TBXA2R: variants seen among roughly 807,000 people sequenced by gnomAD.
TBXA2R encodes the protein thromboxane A2 receptor.
Under a neutral mutation model 15.6 loss-of-function variants are expected in TBXA2R, and 15 were observed. That is an observed-to-expected ratio of 0.96 (90% confidence interval 0.64 to 1.48). The LOEUF (loss-of-function observed/expected upper bound fraction) is 1.48, where lower values mean the gene tolerates loss of function less well. Ranked by LOEUF, TBXA2R falls within the 40% of genes most tolerant of loss-of-function variation. TBXA2R has a pLI of 0.00. For synonymous variants in TBXA2R, 280 were observed against 241.2 expected, an observed-to-expected ratio of 1.16 and a Z score of -1.49; for missense variants, 506 against 491.4, an observed-to-expected ratio of 1.03 and a Z score of -0.28.
chr19:3,604,174 G>A (rs2032787610), intron 1 of TBXA2R, among the ~76,000 whole-genome samples: 1 of 152,204 alleles, frequency 6.6e-6, no homozygotes, highest in Non-Finnish European at 1.5e-5. Flanking sequence ...AAGAGGCTGA[G>A]GTCCTGCAAC....
chr19:3,599,822 G>A (rs1206157779), intron 2 of TBXA2R, 27 bp downstream of exon 2: 1 of 1,548,614 alleles, frequency 6.5e-7, no homozygotes, highest in Admixed American at 2.0e-5. Context: ...CAGGAGGGTA[G>A]CAGGACCCCG....
chr19:3,605,511 G>GTCC (rs2032813906), intron 1 of TBXA2R, among the ~76,000 whole-genome samples: 1 of 145,726 alleles, frequency 6.9e-6, no homozygotes, highest in Admixed American at 6.9e-5. Flanking sequence ...AGACACACAG[G>GTCC]CAGAAATGTG....
At position 3,600,600 on chromosome 19, in the gene TBXA2R, A is replaced by C; in HGVS notation, c.35T>G (p.Phe12Cys). The C allele has an allele frequency of 1.9e-6, 3 of 1,612,630 alleles. No homozygotes were observed. The highest frequency in any genetic ancestry group is 2.5e-6 in the Non-Finnish European group (3 of 1,179,712). The change falls in exon 2 of 3, where the codon TTC (phenylalanine) becomes TGC (cysteine). Residue 12 changes from phenylalanine (F) to cysteine (C), a missense_variant. Physicochemically the swap from Phe to Cys is radical, Grantham distance 205 (BLOSUM62 -2). Coordinates refer to ENST00000375190, the MANE Select transcript of TBXA2R (RefSeq NM_001060.6). ...CTCCAGGGTAATGTTTGTGGGCCGG[A>C]AACAGGGCCCCAGGGAACTGCCGTT... ...WPNGSSLGPC[F>C]RPTNITLEER...
intron 2 of TBXA2R, among the ~76,000 whole-genome samples, chr19:3,599,336 AT>A (rs1010143681): frequency 3.6e-4 from 13 of 35,730 alleles, no homozygotes; most frequent in Admixed American, 9.0e-4. Flanking sequence ...TTTATTTTTT[AT>A]TTTTTTTTTT....
At chr19:3,603,202 G>A (rs375941172) in intron 1 of TBXA2R, among the ~76,000 whole-genome samples, 6 of 152,242 alleles carry the variant, frequency 3.9e-5, no homozygotes, top group East Asian at 1.9e-4. Context: ...GGGTGACTGT[G>A]GCCCTCACTC....
In TBXA2R at chr19:3,595,414, G is replaced by T. The variant is rs1209951986; in HGVS notation, c.*274C>A. Reference sequence around the variant, plus strand: ...TAGCAATGCAAGACCCTCTTCCAATGTCTGCATGCCCTTCCTGGGGTTGGG... The same window carrying T: ...TAGCAATGCAAGACCCTCTTCCAATTTCTGCATGCCCTTCCTGGGGTTGGG... On this transcript the variant is annotated 3_prime_UTR_variant, in exon 3 of 3. Transcript: ENST00000375190. The T allele has an allele frequency of 2.1e-6, 3 of 1,395,862 alleles. No individual in the cohort carries two copies. In the African/African-American group the frequency reaches 4.3e-5, roughly 20 times the overall value. The allele number at this position is 1,395,862 out of a possible 1,614,324, so 86.5% of individuals were successfully genotyped here. A position where few individuals can be genotyped will look rare whatever the true frequency, so the allele number is the denominator to read the frequency against.
chr19:3,600,809 C>T (rs946338824), intron 1 of TBXA2R, 92 bp from the exon 2 acceptor site: 1 of 609,436 alleles, frequency 1.6e-6, no homozygotes. Flanking sequence ...AATGCCCCAG[C>T]TCAAATATCC....
At chr19:3,597,067 G>A (rs1230284036) in intron 2 of TBXA2R, among the ~76,000 whole-genome samples, 1 of 151,168 alleles carries the variant, frequency 6.6e-6, no homozygotes, top group Non-Finnish European at 1.5e-5. Context: ...AGCCTCCCGA[G>A]TAGCTGGGAT....
chr19:3,603,656 G>T (rs952085931), intron 1 of TBXA2R, among the ~76,000 whole-genome samples: 1 of 152,126 alleles, frequency 6.6e-6, no homozygotes, highest in Non-Finnish European at 1.5e-5. Context: ...CTCACCGGGG[G>T]TCACACACCC....
At position 3,594,870 on chromosome 19, in the gene TBXA2R, G is replaced by A. The variant is rs1362104877; in HGVS notation, c.*818C>T. On this transcript the variant is annotated 3_prime_UTR_variant, in exon 3 of 3. Transcript: ENST00000375190. ...TCTGGACAGAGCCTTCCCTGTTGGA[G>A]GTTCAAAAGGAAGCAACTGTACCCC... 6.5e-7 allele frequency: 1 copy of A among 1,536,950 alleles called. No individual in the cohort carries two copies. The highest frequency in any genetic ancestry group is 2.0e-5 in the Admixed American group (1 of 50,996).
intron 1 of TBXA2R, among the ~76,000 whole-genome samples, chr19:3,602,623 C>T (rs2032758722): frequency 6.6e-6 from 1 of 151,822 alleles, no homozygotes; most frequent in African/African-American, 2.4e-5. Context: ...ACCTGTAATC[C>T]CAGCTACTCG....
chr19:3,597,000 C>T (rs2032616330), intron 2 of TBXA2R, among the ~76,000 whole-genome samples: 1 of 147,010 alleles, frequency 6.8e-6, no homozygotes, highest in African/African-American at 2.5e-5. Flanking sequence ...AGTGAAATGG[C>T]AGGTTCTCGG....
chr19:3,606,867 C>T lies in TBXA2R; in HGVS notation c.-421G>A, dbSNP rs1358219961. ...GCAGCCCGCGGCTCGCTCTCTCCGTCCAGTCTCTGTCTCCCGCTGTCTCTC... is the reference window on the plus strand; with the variant it reads ...GCAGCCCGCGGCTCGCTCTCTCCGTTCAGTCTCTGTCTCCCGCTGTCTCTC... On this transcript the variant is annotated 5_prime_UTR_variant, in exon 1 of 3. Coordinates refer to ENST00000375190, the MANE Select transcript of TBXA2R (RefSeq NM_001060.6). 1 of 152,326 alleles carries T rather than the reference C, an allele frequency of 6.6e-6. No homozygotes were observed. The highest frequency in any genetic ancestry group is 6.5e-5 in the Admixed American group (1 of 15,288). The allele number at this position is 152,326 out of a possible 1,614,324, so 9.4% of individuals were successfully genotyped here.
chr19:3,594,937 G>A lies in TBXA2R; in HGVS notation c.*751C>T, dbSNP rs200789014. 400 of 1,536,220 alleles carry A rather than the reference G, an allele frequency of 2.6e-4. No individual in the cohort carries two copies. Among genetic ancestry groups the A allele is most frequent in the Admixed American group, 3.1e-4 (16 of 50,994 alleles). On this transcript the variant is annotated 3_prime_UTR_variant, in exon 3 of 3. Coordinates refer to ENST00000375190, the MANE Select transcript of TBXA2R (RefSeq NM_001060.6). ...TCAGGGTCAAAGAGCATGCAAGGCC[G>A]GGCGCAGTGGCTTACGCCTGTAATC...
At chr19:3,596,393 C>T (rs967912371) in intron 2 of TBXA2R, among the ~76,000 whole-genome samples, 10 of 152,074 alleles carry the variant, frequency 6.6e-5, no homozygotes, top group South Asian at 6.2e-4. Context: ...GCTCTGAGCT[C>T]CTTTTGATGG....
At chr19:3,599,150 T>A (rs1269942059) in intron 2 of TBXA2R, among the ~76,000 whole-genome samples, 1 of 151,962 alleles carries the variant, frequency 6.6e-6, no homozygotes, top group Non-Finnish European at 1.5e-5. Context: ...TGCTTTCTAT[T>A]TTTTTTCTTT....
At chr19:3,604,146 T>C (rs1044071258) in intron 1 of TBXA2R, among the ~76,000 whole-genome samples, 1 of 152,242 alleles carries the variant, frequency 6.6e-6, no homozygotes, top group African/African-American at 2.4e-5. Flanking sequence ...CCCAAGAGGC[T>C]GAGGTCCTGC....
chr19:3,601,149 A>G (rs527304296), intron 1 of TBXA2R, among the ~76,000 whole-genome samples: 9 of 152,228 alleles, frequency 5.9e-5, no homozygotes, highest in African/African-American at 2.2e-4. Context: ...TCGGAATGGC[A>G]GGTTCCCCAG....
At chr19:3,598,333 TTTCTTTCTTTTCTTTTC>T (rs2032641265) in intron 2 of TBXA2R, among the ~76,000 whole-genome samples, 2 of 144,988 alleles carry the variant, frequency 1.4e-5, no homozygotes, top group African/African-American at 2.7e-5. Context: ...CTTTTCTTTC[TTTCTTTCTTTTCTTTTC>T]TTTTTTTTTT....
Sources: gnomAD v4.1 joint callset for allele counts (sites outside exome capture counted in the v4.1 genomes callset) on GRCh38, gnomAD v4.1.1 for gene constraint, MANE v1.5 for transcripts, NCBI Gene and HGNC (gene_info 2026-07-23, HGNC 2026-07-21) for gene names.